MAPK8IP3: variants seen among roughly 807,000 people sequenced by gnomAD.
MAPK8IP3 encodes the protein C-Jun-amino-terminal kinase-interacting protein 3.
MAPK8IP3 carries 49 observed loss-of-function variants against 157.8 expected under a neutral mutation model. That is an observed-to-expected ratio of 0.31 (90% CI 0.25 to 0.39). MAPK8IP3 has a LOEUF of 0.39. MAPK8IP3 is among the 10% of genes least tolerant of loss of function. The probability of loss-of-function intolerance (pLI) is 1.00; values close to 1 mark genes in which losing one functional copy is unlikely to be tolerated. For synonymous variants in MAPK8IP3, 897 were observed against 777.7 expected (o/e 1.15, Z -2.55); for missense variants, 1,478 against 1,889.4 (o/e 0.78, Z 4.04).
chr16:1,754,382 T>C (rs965369179), intron 8 of MAPK8IP3, among the ~76,000 whole-genome samples: 1 of 152,208 alleles, frequency 6.6e-6, no homozygotes, highest in African/African-American at 2.4e-5. Context: ...GAGCGGAATC[T>C]GGAATCCACG....
intron 4 of MAPK8IP3, among the ~76,000 whole-genome samples, chr16:1,730,619 G>A (rs1342179705): frequency 6.6e-6 from 1 of 151,304 alleles, no homozygotes; most frequent in Admixed American, 6.6e-5. Context: ...CAAGGAGGGC[G>A]GATCATGAGG....
At chr16:1,757,857 C>G (rs2041703520) in intron 8 of MAPK8IP3, among the ~76,000 whole-genome samples, 1 of 152,214 alleles carries the variant, frequency 6.6e-6, no homozygotes, top group Non-Finnish European at 1.5e-5. Flanking sequence ...GGGGCCTGCC[C>G]TCCTGATGGG....
chr16:1,737,771 T>A (rs1181312906), intron 4 of MAPK8IP3, among the ~76,000 whole-genome samples: 1 of 17,510 alleles, frequency 5.7e-5, no homozygotes, highest in Non-Finnish European at 8.4e-5. Flanking sequence ...TGACCATCCG[T>A]GTGAGTGACC....
chr16:1,759,641 G>C (rs543161551), intron 10 of MAPK8IP3, among the ~76,000 whole-genome samples: 77 of 152,226 alleles, frequency 5.1e-4, no homozygotes, highest in Non-Finnish European at 1.0e-3. Flanking sequence ...GTGGCTCCGA[G>C]AGGGCCTGCC....
rs760607404 is a variant in MAPK8IP3 at position 1,747,154 on chromosome 16, G to A, written c.873G>A (p.Glu291=). 1 of 1,613,932 alleles carries A rather than the reference G, an allele frequency of 6.2e-7. No individual in the cohort carries two copies. Among genetic ancestry groups the A allele is most frequent in the African/African-American group, 1.3e-5 (1 of 74,954 alleles). Residue 291 remains glutamate (E), a synonymous_variant, in exon 6 of 32, where the codon GAG becomes GAA. Transcript: ENST00000610761. ...VPSAAVTPLN[E]SLQPLGDYGV... ...CGGCCGCCGTCACACCCCTCAACGAGAGCCTGCAGCCCCTGGGGGACTATG... is the reference window on the plus strand; with the variant it reads ...CGGCCGCCGTCACACCCCTCAACGAAAGCCTGCAGCCCCTGGGGGACTATG...
chr16:1,758,114 C>G (rs1201666880), intron 8 of MAPK8IP3, 34 bp from the exon 9 acceptor site: 2 of 1,612,712 alleles, frequency 1.2e-6, no homozygotes, highest in Non-Finnish European at 1.7e-6. Context: ...TCCCTTCCTT[C>G]CCCTGCCTCT....
intron 1 of MAPK8IP3, among the ~76,000 whole-genome samples, chr16:1,715,884 C>G (rs367598743): frequency 1.4e-3 from 208 of 152,164 alleles, no homozygotes; most frequent in African/African-American, 4.8e-3. Flanking sequence ...CACCACCACA[C>G]CCAGCTGATT....
chr16:1,746,053 G>A (rs1596697664), intron 5 of MAPK8IP3: 1 of 152,164 alleles, frequency 6.6e-6, no homozygotes, highest in Non-Finnish European at 1.5e-5. Context: ...AGTCCCCCAC[G>A]GTGCGCCCTC....
rs911462544 is a variant in MAPK8IP3 at position 1,769,134 on chromosome 16, G to A, written c.*310G>A. 24 of 410,700 alleles carry A rather than the reference G, an allele frequency of 5.8e-5. No individual in the cohort carries two copies. The highest frequency in any genetic ancestry group is 1.5e-4 in the Admixed American group (4 of 25,906). 25.4% of individuals were successfully genotyped at this position (410,700 alleles called of 1,614,324 possible). A position where few individuals can be genotyped will look rare whatever the true frequency, so the allele number is the denominator to read the frequency against. On this transcript the variant is annotated 3_prime_UTR_variant, in exon 32 of 32. Coordinates refer to ENST00000610761, the MANE Select transcript of MAPK8IP3 (RefSeq NM_001318852.2). ...CTTGGGCCCAGCGCAGGCAGAATCC[G>A]AGGTGGTCCTGGCTCTACCCTGGGC...
At chr16:1,733,233 G>A (rs564633815) in intron 4 of MAPK8IP3, among the ~76,000 whole-genome samples, 1 of 152,170 alleles carries the variant, frequency 6.6e-6, no homozygotes, top group South Asian at 2.1e-4. Flanking sequence ...GTGTCGGAGG[G>A]CGCCTGGGCA....
At chr16:1,726,755 C>A (rs1413739711) in intron 2 of MAPK8IP3, among the ~76,000 whole-genome samples, 4 of 152,196 alleles carry the variant, frequency 2.6e-5, no homozygotes, top group African/African-American at 4.8e-5. Context: ...AGAGAGCAGG[C>A]CCCGGGCTCC....
chr16:1,743,386 A>G lies in MAPK8IP3; in HGVS notation c.657A>G (p.Val219=), dbSNP rs1035199108. The G allele has an allele frequency of 1.9e-6, 3 of 1,607,774 alleles. No individual in the cohort carries two copies. The African/African-American group carries it at 4.0e-5, about 22-fold the overall frequency. The change falls in exon 5 of 32, where the codon GTA becomes GTG. Residue 219 remains valine (V), a synonymous_variant. Coordinates refer to ENST00000610761, the MANE Select transcript of MAPK8IP3 (RefSeq NM_001318852.2). The surrounding 1 kb of genome is among the most constrained non-coding windows in gnomAD (Gnocchi z 5.6). ...TGTTCCCCCTGGCTGACGGCACGGT[A>G]CGTGCACAGATCGGGGGCAAGCTCG... The part of the protein sequence containing the change: ...LNVFPLADGT[V]RAQIGGKLVP...
chr16:1,753,614 G>C (rs1217377181), intron 8 of MAPK8IP3, among the ~76,000 whole-genome samples: 1 of 151,260 alleles, frequency 6.6e-6, no homozygotes, highest in Non-Finnish European at 1.5e-5. Context: ...CTAATTTTTT[G>C]TATTTTTTAG....
chr16:1,729,779 C>T (rs1234152809), intron 4 of MAPK8IP3, among the ~76,000 whole-genome samples: 2 of 152,198 alleles, frequency 1.3e-5, no homozygotes, highest in East Asian at 1.9e-4. Flanking sequence ...CCCTGGGCGA[C>T]GGACATGTGT....
chr16:1,709,507 T>C (rs556176741), intron 1 of MAPK8IP3, among the ~76,000 whole-genome samples: 1 of 152,376 alleles, frequency 6.6e-6, no homozygotes, highest in East Asian at 1.9e-4. Context: ...GCAGAACCCT[T>C]GACGGGTTCT....
intron 4 of MAPK8IP3, among the ~76,000 whole-genome samples, chr16:1,740,755 G>A (rs1421988951): frequency 6.6e-6 from 1 of 152,246 alleles, no homozygotes; most frequent in Admixed American, 6.5e-5. Context: ...TGGTGCTGGG[G>A]GACGACCAGC....
chr16:1,743,344 C>T lies in MAPK8IP3; in HGVS notation c.615C>T (p.Arg205=). ...CCCCCCATTTCAGCAGGAAGGAGCG[C>T]CCCACCTCCCTGAACGTGTTCCCCC... is the stretch of plus-strand genomic sequence containing the variant. ...SSLPGRSRKE[R]PTSLNVFPLA... The change falls in exon 5 of 32, where the codon CGC becomes CGT. Residue 205 remains arginine (R), a synonymous_variant. Coordinates refer to ENST00000610761, the MANE Select transcript of MAPK8IP3 (RefSeq NM_001318852.2). The surrounding 1 kb of genome is among the most constrained non-coding windows in gnomAD (Gnocchi z 5.6). 2 of 1,563,946 alleles carry T rather than the reference C, an allele frequency of 1.3e-6. No homozygotes were observed. Among genetic ancestry groups the T allele is most frequent in the Non-Finnish European group, 1.7e-6 (2 of 1,159,954 alleles).
At chr16:1,745,253 G>T in intron 5 of MAPK8IP3, 1 of 888,048 alleles carries the variant, frequency 1.1e-6, no homozygotes, top group South Asian at 5.2e-5. Context: ...GAGGAAGGTG[G>T]CCCAGAAGCG....
chr16:1,728,855 A>AGG (rs2039091318), intron 2 of MAPK8IP3, among the ~76,000 whole-genome samples: 1 of 145,924 alleles, frequency 6.9e-6, no homozygotes, highest in Non-Finnish European at 1.5e-5. Context: ...GGCACAGCAC[A>AGG]CACAGCAGCC....
Sources: allele counts gnomAD v4.1 joint callset (sites outside exome capture counted in the v4.1 genomes callset), GRCh38; gene constraint gnomAD v4.1.1; non-coding constraint Gnocchi (gnomAD v3.1); transcripts MANE v1.5; gene names NCBI Gene and HGNC (gene_info 2026-07-23, HGNC 2026-07-21).